Variants in LRIG1 observed in about 807,000 individuals in gnomAD.
LRIG1 encodes leucine rich repeats and immunoglobulin like domains 1.
In LRIG1, 48 loss-of-function variants were observed where a neutral mutation model predicts 99.2. The observed-to-expected ratio is 0.48, with a 90% CI of 0.38 to 0.62. The LOEUF is 0.62. LRIG1 is among the 20% of genes least tolerant of loss of function. The pLI is 0.00. For synonymous variants in LRIG1, 772 were observed against 596.1 expected (o/e 1.29, Z -4.30); for missense variants, 1,646 against 1,434.4 (o/e 1.15, Z -2.38).
intron 1 of LRIG1, among the ~76,000 whole-genome samples, chr3:66,495,871 G>A (rs912844199): frequency 8.5e-5 from 13 of 152,186 alleles, no homozygotes; most frequent in African/African-American, 2.9e-4. Context: ...CTGCAGAAGC[G>A]GGAGAGGCCC....
At chr3:66,425,203 C>T (rs1702941442) in intron 3 of LRIG1, among the ~76,000 whole-genome samples, 2 of 152,314 alleles carry the variant, frequency 1.3e-5, no homozygotes, top group East Asian at 3.9e-4. Flanking sequence ...GAGAGGCTCT[C>T]CTGGCAGAAC....
At chr3:66,483,159 A>C (rs1025957726) in intron 1 of LRIG1, among the ~76,000 whole-genome samples, 35 of 152,062 alleles carry the variant, frequency 2.3e-4, no homozygotes, top group African/African-American at 8.5e-4. Context: ...CAAGATCTCG[A>C]TAGCCATTAA....
Position 66,378,910 on chromosome 3 carries a change from CTT to C in LRIG1, c.*1351_*1352del, listed in dbSNP as rs1236615531. 2 of 152,560 alleles carry C rather than the reference CTT, an allele frequency of 1.3e-5. No individual in the cohort carries two copies. The highest frequency in any genetic ancestry group is 4.8e-5 in the African/African-American group (2 of 41,434). The allele number at this position is 152,560 out of a possible 1,614,324, so 9.5% of individuals were successfully genotyped here. The stretch of plus-strand genomic sequence containing the variant: ...TACCAAAATTTCTATAAATAAATAA[CTT>C]TGTACATAAAAGTAATACTCCCTCT... On this transcript the variant is annotated 3_prime_UTR_variant, in exon 19 of 19. Coordinates refer to ENST00000273261, the MANE Select transcript of LRIG1 (RefSeq NM_015541.3).
intron 3 of LRIG1, chr3:66,417,552 T>G (rs1048159592): frequency 3.0e-5 from 12 of 396,202 alleles, no homozygotes; most frequent in Non-Finnish European, 4.7e-5. Context: ...GAGACCAGCA[T>G]GACCTGACCA....
At chr3:66,458,973 C>A (rs1700294305) in intron 2 of LRIG1, among the ~76,000 whole-genome samples, 1 of 146,078 alleles carries the variant, frequency 6.8e-6, no homozygotes, top group Admixed American at 7.0e-5. Flanking sequence ...CCCAAGATTG[C>A]ACTGCACTCC....
chr3:66,499,982 G>A (rs1451355770), intron 1 of LRIG1, among the ~76,000 whole-genome samples: 1 of 151,552 alleles, frequency 6.6e-6, no homozygotes, highest in Non-Finnish European at 1.5e-5. Flanking sequence ...TTCTTCTCCA[G>A]GCTCTCTCGC....
chr3:66,492,785 G>T (rs1167182894), intron 1 of LRIG1, among the ~76,000 whole-genome samples: 1 of 152,064 alleles, frequency 6.6e-6, no homozygotes, highest in African/African-American at 2.4e-5. Context: ...TCGCACAATG[G>T]GCCTTACCGG....
chr3:66,476,479 T>G (rs766873904), intron 1 of LRIG1, among the ~76,000 whole-genome samples: 2 of 152,206 alleles, frequency 1.3e-5, no homozygotes, highest in Non-Finnish European at 2.9e-5. Context: ...CCAAGAGACC[T>G]CTGAAAAACA....
chr3:66,455,184 A>G (rs1209010807), intron 2 of LRIG1, among the ~76,000 whole-genome samples: 1 of 152,154 alleles, frequency 6.6e-6, no homozygotes, highest in Non-Finnish European at 1.5e-5. Flanking sequence ...ACCTCAGGTG[A>G]TCCGCCCTTC....
intron 17 of LRIG1, 63 bp downstream of exon 17, chr3:66,381,416 G>T: frequency 1.3e-6 from 2 of 1,536,078 alleles, no homozygotes; most frequent in South Asian, 2.4e-5. Context: ...TTGATGTAGT[G>T]ACTAGGTCAG....
At chr3:66,415,984 G>T (rs1258384400) in intron 4 of LRIG1, among the ~76,000 whole-genome samples, 1 of 152,182 alleles carries the variant, frequency 6.6e-6, no homozygotes, top group African/African-American at 2.4e-5. Context: ...GCAGATAGTG[G>T]CCTAGGACAA....
At chr3:66,392,916 A>C (rs543173439) in intron 12 of LRIG1, among the ~76,000 whole-genome samples, 1 of 152,350 alleles carries the variant, frequency 6.6e-6, no homozygotes, top group South Asian at 2.1e-4. Context: ...TCCACACAGA[A>C]GGCTCCATAA....
intron 1 of LRIG1, among the ~76,000 whole-genome samples, chr3:66,499,091 G>T (rs1236684521): frequency 6.6e-6 from 1 of 152,178 alleles, no homozygotes; most frequent in African/African-American, 2.4e-5. Context: ...GCCTTTTCTG[G>T]AAAGGTACTA....
chr3:66,417,032 G>A, intron 4 of LRIG1, 97 bp downstream of exon 4: 2 of 1,491,186 alleles, frequency 1.3e-6, no homozygotes, highest in South Asian at 2.5e-5. Flanking sequence ...AGAAGGGAAG[G>A]AAGCATCCCT....
intron 12 of LRIG1, chr3:66,387,412 C>T (rs762451648): frequency 6.6e-5 from 10 of 151,938 alleles, no homozygotes; most frequent in South Asian, 2.1e-4. Context: ...ACACACAAGC[C>T]GTCGGTAAAG....
At chr3:66,428,692 T>C (rs1212492942) in intron 3 of LRIG1, among the ~76,000 whole-genome samples, 1 of 152,244 alleles carries the variant, frequency 6.6e-6, no homozygotes, top group Non-Finnish European at 1.5e-5. Flanking sequence ...GTTGAAACCA[T>C]TTCCCTCTAG....
intron 12 of LRIG1, among the ~76,000 whole-genome samples, chr3:66,391,998 A>T (rs190070591): frequency 9.9e-5 from 15 of 152,242 alleles, no homozygotes; most frequent in Non-Finnish European, 1.8e-4. Context: ...TACTAACCTA[A>T]TCTCTACCTC....
rs551791972 is a variant in LRIG1, at chr3:66,405,185, G to A, written c.1160+13C>T. ...CGCATTTGCCGGCGGAGCTCCGTGCGGCGGATACTCACAGCTTGCTGAGGC... is the reference window on the plus strand; with the variant it reads ...CGCATTTGCCGGCGGAGCTCCGTGCAGCGGATACTCACAGCTTGCTGAGGC... On this transcript the variant is annotated intron_variant, in intron 9 of 18. Coordinates refer to ENST00000273261, the MANE Select transcript of LRIG1 (RefSeq NM_015541.3). The A allele has an allele frequency of 1.3e-4, 205 of 1,613,140 alleles. 3 individuals are homozygous for A. The South Asian group carries it at 1.9e-3, about 15-fold the overall frequency.
intron 2 of LRIG1, among the ~76,000 whole-genome samples, 158 bp from the exon 3 acceptor site, chr3:66,451,791 G>C (rs963333306): frequency 2.0e-5 from 3 of 152,132 alleles, no homozygotes; most frequent in African/African-American, 7.2e-5. Context: ...AGTTTTTAAA[G>C]GGAAAGAAGT....
Sources: allele counts gnomAD v4.1 joint callset (sites outside exome capture counted in the v4.1 genomes callset), GRCh38; gene constraint gnomAD v4.1.1; transcripts MANE v1.5; gene names NCBI Gene and HGNC (gene_info 2026-07-23, HGNC 2026-07-21).